The following ACTR3C variants were observed in gnomAD, a reference collection of about 807,000 sequenced individuals.
ACTR3C encodes the protein actin related protein 3C, also known as actin-related protein 3C.
ACTR3C carries 18 observed loss-of-function variants against 26.3 expected under a neutral mutation model. That is an observed-to-expected ratio of 0.68 (90% confidence interval 0.47 to 1.01). The LOEUF is 1.01. Among genes scored for constraint, ACTR3C ranks in the 50% least tolerant of loss-of-function variants. The probability of loss-of-function intolerance (pLI) is 0.00; values close to 1 mark genes in which losing one functional copy is unlikely to be tolerated. For missense variants in ACTR3C, 184 were observed against 250.7 expected (o/e 0.73, Z 1.80); for synonymous variants, 55 against 94.5 (o/e 0.58, Z 2.42).
At chr7:150,227,062 T>C in the ACTR3C span, among the ~76,000 whole-genome samples, 1 of 148,274 alleles carries the variant, frequency 6.7e-6, no homozygotes, top group Non-Finnish European at 1.5e-5. Context: ...CCTACATATA[T>C]ATACATTGTA....
the ACTR3C span, among the ~76,000 whole-genome samples, chr7:150,230,133 G>A: frequency 1.3e-5 from 2 of 151,692 alleles, no homozygotes; most frequent in Admixed American, 6.6e-5. Context: ...GCTGAGGCAG[G>A]AGAATCATTT....
At chr7:150,272,754 A>G (rs1400021366) in intron 6 of ACTR3C, among the ~76,000 whole-genome samples, 1 of 131,080 alleles carries the variant, frequency 7.6e-6, no homozygotes, top group Non-Finnish European at 1.5e-5. Context: ...ACAGTGGTGC[A>G]ATCCTAACTC....
At chr7:149,898,770 C>A in the ACTR3C span, among the ~76,000 whole-genome samples, 1 of 152,048 alleles carries the variant, frequency 6.6e-6, no homozygotes, top group African/African-American at 2.4e-5. Flanking sequence ...CACACACACA[C>A]AAAGTATACT....
At chr7:150,218,224 C>T in the ACTR3C span, among the ~76,000 whole-genome samples, 1 of 151,622 alleles carries the variant, frequency 6.6e-6, no homozygotes, top group African/African-American at 2.4e-5. Flanking sequence ...ATCCCTCATC[C>T]ACTACAGAAC....
chr7:150,264,952 A>G (rs1176851984), intron 6 of ACTR3C: 1 of 841,780 alleles, frequency 1.2e-6, no homozygotes, highest in Non-Finnish European at 1.4e-6. Context: ...TTGGAGTGAT[A>G]CCCGAACTGA....
At chr7:150,232,828 A>T in the ACTR3C span, among the ~76,000 whole-genome samples, 11 of 151,386 alleles carry the variant, frequency 7.3e-5, no homozygotes, top group Non-Finnish European at 1.5e-5. Flanking sequence ...AACTCAAAAA[A>T]AATATAAAAA....
At chr7:149,990,776 C>G in the ACTR3C span, among the ~76,000 whole-genome samples, 1 of 152,140 alleles carries the variant, frequency 6.6e-6, no homozygotes, top group Non-Finnish European at 1.5e-5. Context: ...GTCTGCCACC[C>G]CTTTCTCTCC....
At chr7:150,048,439 C>T in the ACTR3C span, among the ~76,000 whole-genome samples, 18 of 151,944 alleles carry the variant, frequency 1.2e-4, no homozygotes, top group Admixed American at 3.3e-4. Context: ...TGCGAGGGTG[C>T]GTGAAGAGGG....
chr7:150,207,116 A>G, the ACTR3C span, among the ~76,000 whole-genome samples: 1 of 152,242 alleles, frequency 6.6e-6, no homozygotes, highest in African/African-American at 2.4e-5. Flanking sequence ...CATGTGGGGA[A>G]GCGGAAAATG....
At chr7:150,136,669 CATAAATAAATAAATAA>C in the ACTR3C span, among the ~76,000 whole-genome samples, 4 of 148,266 alleles carry the variant, frequency 2.7e-5, no homozygotes, top group Non-Finnish European at 5.9e-5. Flanking sequence ...GACTCCATCT[CATAAATAAATAAATAA>C]ATAAATAAAT....
chr7:150,099,987 T>C, the ACTR3C span, among the ~76,000 whole-genome samples: 7 of 151,820 alleles, frequency 4.6e-5, no homozygotes, highest in East Asian at 1.3e-3. Context: ...ACGTCAGCTA[T>C]TGTCAGTATT....
chr7:149,948,449 G>A, the ACTR3C span, among the ~76,000 whole-genome samples: 11 of 150,876 alleles, frequency 7.3e-5, no homozygotes, highest in African/African-American at 2.2e-4. Flanking sequence ...CTGTGCACAC[G>A]GTCACACGTC....
the ACTR3C span, among the ~76,000 whole-genome samples, chr7:150,225,046 T>TGTGTGTGTGTGTGTG: frequency 6.7e-6 from 1 of 149,572 alleles, no homozygotes; most frequent in African/African-American, 2.5e-5. Context: ...TGTGTGTGTG[T>TGTGTGTGTGTGTGTG]TTGCCTGCAC....
intron 6 of ACTR3C, among the ~76,000 whole-genome samples, chr7:150,254,201 G>A (rs1295738295): frequency 6.6e-6 from 1 of 152,146 alleles, no homozygotes; most frequent in African/African-American, 2.4e-5. Context: ...CCATATTGAT[G>A]AGAGTGATGT....
At chr7:150,148,185 A>AG in the ACTR3C span, among the ~76,000 whole-genome samples, 1 of 146,492 alleles carries the variant, frequency 6.8e-6, no homozygotes, top group African/African-American at 2.6e-5. Context: ...GAAAAGGGGA[A>AG]AAAAAAAAAA....
At chr7:149,888,271 T>A in the ACTR3C span, among the ~76,000 whole-genome samples, 135 of 152,368 alleles carry the variant, frequency 8.9e-4, no homozygotes, top group Middle Eastern at 0.01. Flanking sequence ...TAAGCATCTT[T>A]TATATGTCTT....
At chr7:149,948,370 G>A in the ACTR3C span, among the ~76,000 whole-genome samples, 1 of 150,028 alleles carries the variant, frequency 6.7e-6, no homozygotes, top group Non-Finnish European at 1.5e-5. Context: ...AATTCTCCTT[G>A]TGACCTCTGT....
At chr7:149,912,269 A>G in the ACTR3C span, among the ~76,000 whole-genome samples, 4 of 152,084 alleles carry the variant, frequency 2.6e-5, no homozygotes, top group East Asian at 1.9e-4. Flanking sequence ...AGGTCAGACT[A>G]CAAAAACAGA....
chr7:150,238,841 A>G, the ACTR3C span, among the ~76,000 whole-genome samples: 3 of 147,188 alleles, frequency 2.0e-5, no homozygotes, highest in Non-Finnish European at 4.4e-5. Context: ...GTCTGATTAT[A>G]TGGCACTCCT....
Sources: allele counts gnomAD v4.1 joint callset (sites outside exome capture counted in the v4.1 genomes callset), GRCh38; gene constraint gnomAD v4.1.1; transcripts MANE v1.5; gene names NCBI Gene and HGNC (gene_info 2026-07-23, HGNC 2026-07-21).